RGR: variants seen among roughly 807,000 people sequenced by gnomAD.
RGR encodes the protein RPE-retinal G protein-coupled receptor.
Under a neutral mutation model 28.6 loss-of-function variants are expected in RGR, and 30 were observed. That is an observed-to-expected ratio of 1.05 (90% confidence interval 0.78 to 1.42). The LOEUF (loss-of-function observed/expected upper bound fraction) is 1.42, where lower values mean the gene tolerates loss of function less well. Ranked by LOEUF, RGR falls within the 40% of genes most tolerant of loss-of-function variation. The probability of loss-of-function intolerance (pLI) is 0.00; values close to 1 mark genes in which losing one functional copy is unlikely to be tolerated. For synonymous variants in RGR, 180 were observed against 156.4 expected (o/e 1.15, Z -1.13); for missense variants, 404 against 375.6 (o/e 1.08, Z -0.62).
At position 84,257,119 on chromosome 10, in the gene RGR, CAG is replaced by C. The variant is rs562716457; in HGVS notation, c.631-773_631-772del. The stretch of plus-strand genomic sequence containing the variant: ...CCCTCTTTGTTAAAGAAAGTCAGGT[CAG>C]GGAGAAAACAGGCAAGAACTTGAGC... On this transcript the variant is annotated intron_variant, in intron 5 of 6. Transcript: ENST00000652092. 3.4e-3 allele frequency among the ~76,000 whole-genome samples: 524 copies of C among 152,334 alleles called. 5 individuals are homozygous for C. Among genetic ancestry groups the C allele is most frequent in the African/African-American group, 0.012 (501 of 41,582 alleles).
At chr10:84,248,697 C>A in intron 2 of RGR, 1 of 674,080 alleles carries the variant, frequency 1.5e-6, no homozygotes. Context: ...TATGGCCCAA[C>A]CATGGTGCAG....
In RGR at chr10:84,247,646, G is replaced by C; in HGVS notation, c.135G>C (p.Pro45=). The C allele has an allele frequency of 6.2e-7, 1 of 1,614,100 alleles. No individual in the cohort carries two copies. The highest frequency in any genetic ancestry group is 8.5e-7 in the Non-Finnish European group (1 of 1,180,018). ...TLTIFSFCKT[P]ELRTPCHLLV... ...CCATCTTCTCTTTCTGCAAGACCCC[G>C]GAGCTGCGGACTCCCTGCCACCTAC... Residue 45 remains proline (P), a synonymous_variant, in exon 2 of 7, where the codon CCG becomes CCC. Transcript: ENST00000652092.
chr10:84,248,983 T>C lies in RGR; in HGVS notation c.298T>C (p.Leu100=), dbSNP rs767389792. 22 of 1,613,986 alleles carry C rather than the reference T, an allele frequency of 1.4e-5. 1 individual carries two copies. The South Asian group carries it at 2.3e-4, about 17-fold the overall frequency. The change falls in exon 3 of 7, where the codon TTG becomes CTG. Residue 100 remains leucine (L), a synonymous_variant. Coordinates refer to ENST00000652092, the MANE Select transcript of RGR (RefSeq NM_001012720.2). ...AHGFQGFVTA[L]ASICSSAAIA... Reference sequence around the variant, plus strand: ...CGGCTTCCAGGGCTTTGTGACAGCGTTGGCCAGCATCTGCAGCAGTGCAGC... The same window carrying C: ...CGGCTTCCAGGGCTTTGTGACAGCGCTGGCCAGCATCTGCAGCAGTGCAGC...
Position 84,258,579 on chromosome 10 carries a change from C to T in RGR, c.816C>T (p.Val272=). 6.2e-7 allele frequency: 1 copy of T among 1,614,230 alleles called. No individual in the cohort carries two copies. The highest frequency in any genetic ancestry group is 8.5e-7 in the Non-Finnish European group (1 of 1,180,040). ...AINYALGNEM[V]CRGIWQCLSP... is the part of the protein sequence containing the mutation. ...ACTATGCCCTGGGCAATGAGATGGTCTGCAGGGGAATCTGGCAGTGCCTCT... is the reference window on the plus strand; with the variant it reads ...ACTATGCCCTGGGCAATGAGATGGTTTGCAGGGGAATCTGGCAGTGCCTCT... Residue 272 remains valine (V), a synonymous_variant, in exon 7 of 7, where the codon GTC becomes GTT. Coordinates refer to ENST00000652092, the MANE Select transcript of RGR (RefSeq NM_001012720.2).
Position 84,258,634 on chromosome 10 carries a change from A to G in RGR, c.871A>G (p.Lys291Glu). 1 of 1,614,104 alleles carries G rather than the reference A, an allele frequency of 6.2e-7. No homozygotes were observed. Among genetic ancestry groups the G allele is most frequent in the South Asian group, 1.1e-5 (1 of 91,086 alleles). Residue 291 changes from lysine (K) to glutamate (E), a missense_variant, in exon 7 of 7, where the codon AAG (lysine) becomes GAG (glutamate). Physicochemically the swap from Lys to Glu is moderately conservative, Grantham distance 56. Coordinates refer to ENST00000652092, the MANE Select transcript of RGR (RefSeq NM_001012720.2). ...GCAGAAGAGGGAGAAGGACCGAACC[A>G]AGTGAGCCTGCCACCCTGGAGTGAG... Reference protein sequence around the residue: ...SPQKREKDRTK With the variant: ...SPQKREKDRTE
rs1842923790 is a variant in RGR, at chr10:84,259,056, T to A, written c.*417T>A. On this transcript the variant is annotated 3_prime_UTR_variant, in exon 7 of 7. Coordinates refer to ENST00000652092, the MANE Select transcript of RGR (RefSeq NM_001012720.2). ...CCTTGTCACCCTTCTGAGTCTCCAA[T>A]GTCTATTATTCCACACTCCATGTCC... 3.6e-6 allele frequency: 1 copy of A among 279,210 alleles called. No homozygotes were observed. Among genetic ancestry groups the A allele is most frequent in the African/African-American group, 2.2e-5 (1 of 45,786 alleles). 17.3% of individuals were successfully genotyped at this position (279,210 alleles called of 1,614,324 possible).
chr10:84,252,608 G>A (rs573422408), intron 3 of RGR, among the ~76,000 whole-genome samples: 4 of 152,246 alleles, frequency 2.6e-5, no homozygotes, highest in Non-Finnish European at 4.4e-5. Context: ...CAGAGCTGGG[G>A]TTCTCATTTT....
chr10:84,256,053 TC>T (rs1564551532), intron 5 of RGR, among the ~76,000 whole-genome samples: 4 of 127,254 alleles, frequency 3.1e-5, no homozygotes, highest in African/African-American at 9.4e-5. Flanking sequence ...CTTTTTTTTT[TC>T]CTTTCTTTTT....
At chr10:84,248,082 C>A (rs1344867137) in intron 2 of RGR, 18 of 540,236 alleles carry the variant, frequency 3.3e-5, no homozygotes, top group Non-Finnish European at 5.2e-5. Flanking sequence ...TTTCCTAACT[C>A]ATATAGGTGG....
Position 84,258,586 on chromosome 10 carries a change from G to A in RGR, c.823G>A (p.Gly275Arg), listed in dbSNP as rs753194065. The change falls in exon 7 of 7, where the codon GGA becomes AGA. Residue 275 changes from glycine to arginine, a missense_variant. By Grantham distance (125) the Gly-to-Arg change is moderately radical. Transcript: ENST00000652092. Reference sequence around the variant, plus strand: ...CCTGGGCAATGAGATGGTCTGCAGGGGAATCTGGCAGTGCCTCTCACCGCA... The same window carrying A: ...CCTGGGCAATGAGATGGTCTGCAGGAGAATCTGGCAGTGCCTCTCACCGCA... ...YALGNEMVCRGIWQCLSPQKR... is the reference protein window; with the variant it reads ...YALGNEMVCRRIWQCLSPQKR... The A allele has an allele frequency of 1.2e-6, 2 of 1,614,192 alleles. No homozygotes were observed. The highest frequency in any genetic ancestry group is 2.2e-5 in the South Asian group (2 of 91,080).
rs373521085 is a variant in RGR, at chr10:84,249,060, C to T, written c.358+17C>T. On this transcript the variant is annotated intron_variant, in intron 3 of 6. Coordinates refer to ENST00000652092, the MANE Select transcript of RGR (RefSeq NM_001012720.2). ...ACTGCACCCGTATGTATCTGGGCTC[C>T]TGGAGTGGAGGGACACCGATGCAGT... 3 of 1,613,568 alleles carry T rather than the reference C, an allele frequency of 1.9e-6. No individual in the cohort carries two copies. The Admixed American group carries it at 5.0e-5, about 27-fold the overall frequency.
In RGR at chr10:84,257,973, A is replaced by G; in HGVS notation, c.711A>G (p.Ala237=). ...TCCTGTATCTATACGCAGTCATCGC[A>G]GACGTGACTTCCATCTCCCCCAAAC... ...YAILYLYAVI[A]DVTSISPKLQ... The change falls in exon 6 of 7, where the codon GCA becomes GCG. Residue 237 remains alanine (A), a synonymous_variant. Transcript: ENST00000652092. 6.2e-7 allele frequency: 1 copy of G among 1,614,168 alleles called. No homozygotes were observed. The highest frequency in any genetic ancestry group is 8.5e-7 in the Non-Finnish European group (1 of 1,180,030).
At chr10:84,255,695 C>T (rs903512190) in intron 5 of RGR, among the ~76,000 whole-genome samples, 1 of 148,038 alleles carries the variant, frequency 6.8e-6, no homozygotes, top group African/African-American at 2.5e-5. Context: ...TGCAACCACT[C>T]TATGAGGAAA....
intron 5 of RGR, among the ~76,000 whole-genome samples, chr10:84,256,887 C>T (rs1056322897): frequency 2.6e-5 from 4 of 152,112 alleles, no homozygotes; most frequent in African/African-American, 7.2e-5. Context: ...CCAAGCTGAG[C>T]GGCTTCCCGA....
At chr10:84,246,598 T>C (rs1247386575) in intron 1 of RGR, among the ~76,000 whole-genome samples, 2 of 152,258 alleles carry the variant, frequency 1.3e-5, no homozygotes, top group Non-Finnish European at 2.9e-5. Flanking sequence ...ATGATGTATA[T>C]ATACTACATT....
chr10:84,252,103 A>G (rs575556194), intron 3 of RGR, among the ~76,000 whole-genome samples: 3 of 152,334 alleles, frequency 2.0e-5, no homozygotes, highest in East Asian at 1.9e-4. Flanking sequence ...GAAGGACCCA[A>G]TGACACTGCA....
At chr10:84,257,232 A>G (rs1842899698) in intron 5 of RGR, among the ~76,000 whole-genome samples, 1 of 152,110 alleles carries the variant, frequency 6.6e-6, no homozygotes, top group Non-Finnish European at 1.5e-5. Flanking sequence ...GCGCCCCCTC[A>G]TGGCCCCAGG....
At position 84,247,620 on chromosome 10, in the gene RGR, A is replaced by T; in HGVS notation, c.109A>T (p.Thr37Ser). 1 of 1,613,912 alleles carries T rather than the reference A, an allele frequency of 6.2e-7. No individual in the cohort carries two copies. The highest frequency in any genetic ancestry group is 2.2e-5 in the East Asian group (1 of 44,872). Residue 37 changes from threonine to serine, a missense_variant, in exon 2 of 7, where the codon ACC (threonine) becomes TCC (serine). Thr to Ser is a moderately conservative substitution (Grantham distance 58). Transcript: ENST00000652092. Reference protein sequence around the residue: ...ALSGLSLNTLTIFSFCKTPEL... With the variant: ...ALSGLSLNTLSIFSFCKTPEL... ...CTCCGGTCTCAGCCTCAATACCCTG[A>T]CCATCTTCTCTTTCTGCAAGACCCC...
At chr10:84,249,364 G>A (rs1564548970) in intron 3 of RGR, among the ~76,000 whole-genome samples, 1 of 151,198 alleles carries the variant, frequency 6.6e-6, no homozygotes, top group Non-Finnish European at 1.5e-5. Context: ...CCAGGCTGGA[G>A]TGCAGTGGTG....
Sources: allele counts gnomAD v4.1 joint callset (sites outside exome capture counted in the v4.1 genomes callset), GRCh38; gene constraint gnomAD v4.1.1; transcripts MANE v1.5; gene names NCBI Gene and HGNC (gene_info 2026-07-23, HGNC 2026-07-21).